Variants in CC2D2B observed in about 807,000 individuals in gnomAD.
CC2D2B encodes coiled-coil and C2 domain containing 2B.
CC2D2B carries 128 observed loss-of-function variants against 161.2 expected under a neutral mutation model. The observed-to-expected ratio is 0.79, with a 90% CI of 0.69 to 0.92. The LOEUF is 0.92. Among genes scored for constraint, CC2D2B ranks in the 40% least tolerant of loss-of-function variants. The pLI, the probability that CC2D2B is intolerant of heterozygous loss-of-function variation, is 0.00. For missense variants in CC2D2B, 1,173 were observed against 1,375.1 expected, an observed-to-expected ratio of 0.85 and a Z score of 2.32; for synonymous variants, 391 against 449.8, an observed-to-expected ratio of 0.87 and a Z score of 1.65.
At chr10:96,029,278 A>ATG (rs1564689217) in intron 34 of CC2D2B, among the ~76,000 whole-genome samples, 5 of 60,066 alleles carry the variant, frequency 8.3e-5, no homozygotes, top group African/African-American at 3.4e-4. Context: ...ATATATATAT[A>ATG]TATATATGTA....
Position 95,964,411 on chromosome 10 carries a change from AAAATGCTTCC to A in CC2D2B, c.1251-1484_1251-1475del, listed in dbSNP as rs2076871332. On this transcript the variant is annotated intron_variant, in intron 12 of 34. Coordinates refer to ENST00000646931, the MANE Select transcript of CC2D2B (RefSeq NM_001349008.3). The stretch of plus-strand genomic sequence containing the variant: ...GTATGGTCTGGACATCATGAGTTTT[AAAATGCTTCC>A]CTGGTGATTTTAATATGTAACAAAG... Among the ~76,000 whole-genome samples, 10 of 152,316 alleles carry A rather than the reference AAAATGCTTCC, an allele frequency of 6.6e-5. No individual in the cohort carries two copies. The South Asian group carries it at 2.1e-3, about 32-fold the overall frequency.
Position 95,945,777 on chromosome 10 carries a change from CT to C in CC2D2B, c.802-4095del, listed in dbSNP as rs34209550. Reference sequence around the variant, plus strand: ...CAAAAGAATTCATTCTAATGTTGGACTTTTTTTTTTTTTTTTTTTTTTTTGA... The same window carrying C: ...CAAAAGAATTCATTCTAATGTTGGACTTTTTTTTTTTTTTTTTTTTTTTGA... On this transcript the variant is annotated intron_variant, in intron 9 of 34. Coordinates refer to ENST00000646931, the MANE Select transcript of CC2D2B (RefSeq NM_001349008.3). Among the ~76,000 whole-genome samples, 298 of 81,080 alleles carry C rather than the reference CT, an allele frequency of 3.7e-3. 1 individual carries two copies. The highest frequency in any genetic ancestry group is 9.2e-3 in the South Asian group (23 of 2,490). 53.2% of individuals were successfully genotyped at this position (81,080 alleles called of 152,430 possible). A position where few individuals can be genotyped will look rare whatever the true frequency, so the allele number is the denominator to read the frequency against.
intron 6 of CC2D2B, among the ~76,000 whole-genome samples, chr10:95,935,306 G>A (rs928683793): frequency 1.3e-5 from 2 of 152,074 alleles, no homozygotes; most frequent in African/African-American, 4.8e-5. Flanking sequence ...AAACCCTGTT[G>A]GTTCTGCCTT....
chr10:95,994,564 C>G (rs1026857541), intron 22 of CC2D2B, among the ~76,000 whole-genome samples: 1 of 152,162 alleles, frequency 6.6e-6, no homozygotes, highest in Admixed American at 6.5e-5. Flanking sequence ...TTCCCTGACT[C>G]CTCCAAGGAA....
intron 33 of CC2D2B, among the ~76,000 whole-genome samples, chr10:96,025,320 A>G (rs2079719536): frequency 2.1e-5 from 3 of 139,992 alleles, no homozygotes; most frequent in Admixed American, 7.3e-5. Context: ...TGATCACACA[A>G]CACACCACTG....
At chr10:95,927,146 C>G (rs2141198964) in intron 5 of CC2D2B, 91 bp from the exon 6 acceptor site, 1 of 680,046 alleles carries the variant, frequency 1.5e-6, no homozygotes, top group East Asian at 2.9e-5. Flanking sequence ...AGAGAGATAA[C>G]AATTATGTTT....
intron 9 of CC2D2B, among the ~76,000 whole-genome samples, chr10:95,946,544 T>C (rs2141317122): frequency 6.6e-6 from 1 of 152,334 alleles, no homozygotes; most frequent in Admixed American, 6.5e-5. Context: ...TCTTTCCTGT[T>C]TAATGGCCAA....
intron 6 of CC2D2B, among the ~76,000 whole-genome samples, chr10:95,933,577 T>C (rs1452817626): frequency 6.6e-6 from 1 of 152,218 alleles, no homozygotes. Flanking sequence ...TGTGTGGACA[T>C]CCTTTTTGTT....
At chr10:95,941,537 C>A (rs2076021921) in intron 9 of CC2D2B, among the ~76,000 whole-genome samples, 1 of 151,122 alleles carries the variant, frequency 6.6e-6, no homozygotes, top group African/African-American at 2.4e-5. Flanking sequence ...GACATTTCTC[C>A]AAAAAAAACC....
At chr10:95,926,270 T>C (rs1308156106) in intron 5 of CC2D2B, among the ~76,000 whole-genome samples, 1 of 152,086 alleles carries the variant, frequency 6.6e-6, no homozygotes, top group Non-Finnish European at 1.5e-5. Context: ...GAAGAGAAAT[T>C]GGCTTCTAAG....
Position 96,032,180 on chromosome 10 carries a change from T to A in CC2D2B, c.*172T>A, listed in dbSNP as rs2080090638. On this transcript the variant is annotated 3_prime_UTR_variant, in exon 35 of 35. Transcript: ENST00000646931. ...ATGGAGACTCGCACCCCTGAGTGAG[T>A]CTTTGAGGAGGAGTCTAGATGAGCT... The A allele has an allele frequency of 7.0e-6, 4 of 571,852 alleles. No individual in the cohort carries two copies. Among genetic ancestry groups the A allele is most frequent in the Non-Finnish European group, 1.2e-5 (4 of 322,342 alleles). The allele number at this position is 571,852 out of a possible 1,614,324, so 35.4% of individuals were successfully genotyped here.
Position 95,982,199 on chromosome 10 carries a change from T to C in CC2D2B, c.2082+86T>C, listed in dbSNP as rs1017806854. 6.2e-6 allele frequency: 6 copies of C among 961,916 alleles called. No individual in the cohort carries two copies. The African/African-American group carries it at 1.0e-4, about 16-fold the overall frequency. The allele number at this position is 961,916 out of a possible 1,614,324, so 59.6% of individuals were successfully genotyped here. ...AAGTATAGTTTCCCCCATAGTTTGC[T>C]GTATATTTTTCTAGGCTCTTGGGGT... is the stretch of plus-strand genomic sequence containing the variant. On this transcript the variant is annotated intron_variant, in intron 18 of 34. Coordinates refer to ENST00000646931, the MANE Select transcript of CC2D2B (RefSeq NM_001349008.3).
intron 11 of CC2D2B, chr10:95,961,463 G>C (rs557554270): frequency 6.5e-6 from 1 of 153,148 alleles, no homozygotes; most frequent in South Asian, 2.1e-4. Flanking sequence ...GGAGATGGAG[G>C]TTGCAGTGAG....
At chr10:95,930,236 C>A (rs1416589435) in intron 6 of CC2D2B, among the ~76,000 whole-genome samples, 1 of 152,128 alleles carries the variant, frequency 6.6e-6, no homozygotes, top group African/African-American at 2.4e-5. Flanking sequence ...GATTTTTGCA[C>A]ATTGATTTTG....
At chr10:96,017,711 G>A (rs1310267929) in intron 30 of CC2D2B, among the ~76,000 whole-genome samples, 1 of 152,054 alleles carries the variant, frequency 6.6e-6, no homozygotes, top group Non-Finnish European at 1.5e-5. Context: ...AGGGAGGATT[G>A]CTTGAGCTCA....
chr10:95,944,030 G>A (rs142892760), intron 9 of CC2D2B, among the ~76,000 whole-genome samples: 107 of 152,080 alleles, frequency 7.0e-4, no homozygotes, highest in African/African-American at 2.3e-3. Flanking sequence ...AGCAGGGCAG[G>A]GTTTTTGTTT....
chr10:96,005,448 CA>C (rs997412472), intron 25 of CC2D2B, among the ~76,000 whole-genome samples: 2 of 152,030 alleles, frequency 1.3e-5, no homozygotes, highest in Non-Finnish European at 2.9e-5. Flanking sequence ...AGCTATGGGC[CA>C]AAACATTCCA....
In CC2D2B at chr10:95,917,462, C is replaced by T. The variant is rs1180468617; in HGVS notation, c.37-4554C>T. Among the ~76,000 whole-genome samples, 6 of 151,880 alleles carry T rather than the reference C, an allele frequency of 4.0e-5. No individual in the cohort carries two copies. The South Asian group carries it at 1.3e-3, about 32-fold the overall frequency. ...CCTTCCTTCCTTCCTTCCTTCCATC[C>T]GTCCGTCCATCCGTCCGTCTGTCTT... is the stretch of plus-strand genomic sequence containing the variant. On this transcript the variant is annotated intron_variant, in intron 2 of 34. Transcript: ENST00000646931.
At chr10:95,953,741 T>C (rs1188263563) in intron 10 of CC2D2B, among the ~76,000 whole-genome samples, 1 of 152,186 alleles carries the variant, frequency 6.6e-6, no homozygotes, top group Non-Finnish European at 1.5e-5. Flanking sequence ...GGTGTCTCGA[T>C]GATATTATCA....
Sources: allele counts gnomAD v4.1 joint callset (sites outside exome capture counted in the v4.1 genomes callset), GRCh38; gene constraint gnomAD v4.1.1; transcripts MANE v1.5; gene names NCBI Gene and HGNC (gene_info 2026-07-23, HGNC 2026-07-21).